TASP1: variants seen among roughly 807,000 people sequenced by gnomAD.
TASP1 encodes taspase 1.
TASP1 carries 16 observed loss-of-function variants against 56.6 expected under a neutral mutation model. The ratio of observed to expected loss-of-function variants is 0.28; its 90% confidence interval spans 0.19 to 0.43. TASP1 has a LOEUF of 0.43. Among genes scored for constraint, TASP1 ranks in the 20% least tolerant of loss-of-function variants. The pLI, the probability that TASP1 is intolerant of heterozygous loss-of-function variation, is 1.00. For missense variants in TASP1, 393 were observed against 511.6 expected (o/e 0.77, Z 2.24); for synonymous variants, 179 against 184.2 (o/e 0.97, Z 0.23).
the TASP1 span, among the ~76,000 whole-genome samples, chr20:13,381,047 G>A: frequency 6.6e-6 from 1 of 152,136 alleles, no homozygotes; most frequent in African/African-American, 2.4e-5. Flanking sequence ...TAGACCACTT[G>A]GCTCCCTGGC....
chr20:13,462,332 G>C (rs1401156058), intron 11 of TASP1, among the ~76,000 whole-genome samples: 1 of 152,090 alleles, frequency 6.6e-6, no homozygotes, highest in Non-Finnish European at 1.5e-5. Context: ...ACTTCTAATT[G>C]TATTTAATTT....
the TASP1 span, among the ~76,000 whole-genome samples, chr20:13,318,353 G>A: frequency 1.3e-5 from 2 of 152,104 alleles, no homozygotes; most frequent in Non-Finnish European, 2.9e-5. Flanking sequence ...TGGAGCAACA[G>A]GAATTCTTAT....
chr20:13,187,783 A>C, the TASP1 span, among the ~76,000 whole-genome samples: 1 of 151,674 alleles, frequency 6.6e-6, no homozygotes, highest in Non-Finnish European at 1.5e-5. Context: ...GAAAGAAACC[A>C]AAGGAAAAAG....
At chr20:13,186,352 C>A in the TASP1 span, among the ~76,000 whole-genome samples, 8 of 152,136 alleles carry the variant, frequency 5.3e-5, no homozygotes, top group African/African-American at 1.2e-4. Flanking sequence ...AGGGATATTT[C>A]TCTTACGTTA....
At chr20:13,317,541 A>G in the TASP1 span, among the ~76,000 whole-genome samples, 22 of 152,224 alleles carry the variant, frequency 1.4e-4, no homozygotes, top group East Asian at 4.2e-3. Flanking sequence ...ACTCTAAGAC[A>G]TAATATAAAG....
At chr20:13,214,519 GCACACACACACACACACACACACACA>G in the TASP1 span, among the ~76,000 whole-genome samples, 3 of 115,790 alleles carry the variant, frequency 2.6e-5, no homozygotes, top group South Asian at 3.3e-4. Context: ...ACAGAGACAG[GCACACACACACACACACACACACACA>G]CACACACACA....
At chr20:13,123,002 C>T in the TASP1 span, among the ~76,000 whole-genome samples, 1 of 152,178 alleles carries the variant, frequency 6.6e-6, no homozygotes, top group Non-Finnish European at 1.5e-5. Context: ...CCGCCCCATG[C>T]TCCCAGTTCT....
At chr20:13,220,144 C>G in the TASP1 span, among the ~76,000 whole-genome samples, 2 of 151,856 alleles carry the variant, frequency 1.3e-5, no homozygotes, top group Non-Finnish European at 2.9e-5. Flanking sequence ...AGGGCTGGGC[C>G]GGCGCTGGGG....
At chr20:13,576,233 G>C (rs185799291) in intron 6 of TASP1, among the ~76,000 whole-genome samples, 1 of 128,314 alleles carries the variant, frequency 7.8e-6, no homozygotes. Context: ...GGGAGGGGAG[G>C]GGAGCGGAGG....
intron 10 of TASP1, among the ~76,000 whole-genome samples, chr20:13,500,825 C>T (rs1044829561): frequency 3.3e-5 from 5 of 151,968 alleles, no homozygotes; most frequent in African/African-American, 9.7e-5. Flanking sequence ...AGAGAGAACA[C>T]GCCAGAATAA....
rs186641846 is a variant in TASP1 at position 13,532,444 on chromosome 20, A to T, written c.795+1578T>A. ...ACTTACATAGTTTCAAGTTTATTACATCTCCTCTATCCAAGCATTATAATC... is the reference window on the plus strand; with the variant it reads ...ACTTACATAGTTTCAAGTTTATTACTTCTCCTCTATCCAAGCATTATAATC... On this transcript the variant is annotated intron_variant, in intron 9 of 13. Coordinates refer to ENST00000337743, the MANE Select transcript of TASP1 (RefSeq NM_017714.3). Among the ~76,000 whole-genome samples the T allele has an allele frequency of 1.1e-4, 17 of 152,208 alleles. No homozygotes were observed. In the East Asian group the frequency reaches 3.1e-3, roughly 28 times the overall value.
the TASP1 span, among the ~76,000 whole-genome samples, chr20:13,196,822 T>C: frequency 6.6e-6 from 1 of 152,178 alleles, no homozygotes; most frequent in African/African-American, 2.4e-5. Context: ...TTACTCAGTG[T>C]AGACCTAATA....
the TASP1 span, among the ~76,000 whole-genome samples, chr20:13,319,606 T>A: frequency 5.9e-5 from 9 of 152,202 alleles, no homozygotes; most frequent in Admixed American, 5.9e-4. Flanking sequence ...TCTATCTCCT[T>A]TATTTGTCAA....
intron 5 of TASP1, among the ~76,000 whole-genome samples, chr20:13,585,661 C>T (rs1260292267): frequency 6.6e-6 from 1 of 152,078 alleles, no homozygotes; most frequent in African/African-American, 2.4e-5. Flanking sequence ...CTCAATAATA[C>T]CACTACACAC....
At chr20:13,627,659 G>C (rs1430346848) in intron 2 of TASP1, among the ~76,000 whole-genome samples, 2 of 150,282 alleles carry the variant, frequency 1.3e-5, no homozygotes, top group Non-Finnish European at 2.9e-5. Context: ...GCTGAGGCAG[G>C]AGAATTGTGA....
chr20:13,181,370 G>C, the TASP1 span, among the ~76,000 whole-genome samples: 1 of 152,190 alleles, frequency 6.6e-6, no homozygotes, highest in South Asian at 2.1e-4. Context: ...CATGCTTCTG[G>C]AATCTCCTCC....
the TASP1 span, among the ~76,000 whole-genome samples, chr20:13,131,388 C>T: frequency 2.0e-5 from 3 of 152,212 alleles, no homozygotes; most frequent in African/African-American, 7.2e-5. Context: ...CCTCTCTTGG[C>T]CTTAGTTCCT....
intron 6 of TASP1, among the ~76,000 whole-genome samples, chr20:13,577,791 G>GT (rs1453295692): frequency 6.6e-6 from 1 of 152,160 alleles, no homozygotes; most frequent in African/African-American, 2.4e-5. Flanking sequence ...AAGGTATTTT[G>GT]TTAAGGCAGC....
intron 10 of TASP1, among the ~76,000 whole-genome samples, chr20:13,501,268 T>C: frequency 6.6e-6 from 1 of 152,052 alleles, no homozygotes; most frequent in East Asian, 1.9e-4. Flanking sequence ...AACCCTGAGC[T>C]CTTTCTTTAA....
Sources: gnomAD v4.1 joint callset for allele counts (sites outside exome capture counted in the v4.1 genomes callset) on GRCh38, gnomAD v4.1.1 for gene constraint, MANE v1.5 for transcripts, NCBI Gene and HGNC (gene_info 2026-07-23, HGNC 2026-07-21) for gene names.